The following DNAJB6 variants were observed in gnomAD, a reference collection of about 807,000 sequenced individuals.
DNAJB6 encodes DnaJ heat shock protein family (Hsp40) member B6, also known as dnaJ homolog subfamily B member 6.
A neutral mutation model predicts 42.7 loss-of-function variants in DNAJB6; 16 were observed. The observed-to-expected ratio is 0.37, with a 90% CI of 0.25 to 0.57. The LOEUF is 0.57. Ranked by LOEUF, DNAJB6 falls within the 20% of genes least tolerant of loss-of-function variation. The pLI, the probability that DNAJB6 is intolerant of heterozygous loss-of-function variation, is 0.74. For missense variants in DNAJB6, 347 were observed against 416.8 expected (o/e 0.83, Z 1.46); for synonymous variants, 170 against 163.5 (o/e 1.04, Z -0.30).
intron 5 of DNAJB6, chr7:157,381,443 A>T (rs1800763784): frequency 6.6e-6 from 1 of 152,120 alleles, no homozygotes; most frequent in African/African-American, 2.4e-5. Flanking sequence ...TGCTTTATGA[A>T]TTTTTAGTAA....
chr7:157,402,057 C>G (rs994586180), intron 8 of DNAJB6, among the ~76,000 whole-genome samples: 2 of 152,248 alleles, frequency 1.3e-5, no homozygotes, highest in Non-Finnish European at 2.9e-5. Context: ...TTCGGTTCTT[C>G]AGGCTGCTGT....
chr7:157,353,839 T>A (rs1234351776), intron 1 of DNAJB6, among the ~76,000 whole-genome samples: 2 of 151,920 alleles, frequency 1.3e-5, no homozygotes. Context: ...CTTAAATTTT[T>A]TTTTTGTTGC....
rs773834593 is a variant in DNAJB6, at chr7:157,358,634, A to G, written c.62A>G (p.Lys21Arg). 4 of 1,610,298 alleles carry G rather than the reference A, an allele frequency of 2.5e-6. No homozygotes were observed. The Admixed American group carries it at 6.7e-5, about 27-fold the overall frequency. The change falls in exon 2 of 10, where the codon AAG becomes AGG. Residue 21 changes from lysine (K) to arginine (R), a missense_variant. Physicochemically the swap from Lys to Arg is conservative, Grantham distance 26. This residue lies in a region of DNAJB6 where 78 missense variants were observed against 102.1 expected (regional missense o/e 0.76). Coordinates refer to ENST00000262177, the MANE Select transcript of DNAJB6 (RefSeq NM_058246.4). The stretch of plus-strand genomic sequence containing the variant: ...CATGCCTCACCCGAGGATATTAAAA[A>G]GGCGTAAGTAGTTTTATTTCTGTGG... ...QRHASPEDIKKAYRKLALKWH... is the reference protein window; with the variant it reads ...QRHASPEDIKRAYRKLALKWH...
At chr7:157,376,588 T>C (rs532960691) in intron 5 of DNAJB6, among the ~76,000 whole-genome samples, 1 of 152,270 alleles carries the variant, frequency 6.6e-6, no homozygotes, top group South Asian at 2.1e-4. Flanking sequence ...TTATACATTA[T>C]AGGGAGGCAT....
intron 8 of DNAJB6, among the ~76,000 whole-genome samples, chr7:157,397,175 TGAG>T (rs1239369374): frequency 6.6e-6 from 1 of 152,284 alleles, no homozygotes; most frequent in African/African-American, 2.4e-5. Context: ...AGCTACCCCT[TGAG>T]GAGTAACCCG....
chr7:157,416,258 C>A lies in DNAJB6; in HGVS notation c.*160C>A. On this transcript the variant is annotated 3_prime_UTR_variant, in exon 10 of 10. Transcript: ENST00000262177. Reference sequence around the variant, plus strand: ...GATCACGGATCAGTCAGAGCAGGGTCAGGAGACGGGGCTGACGGCACGGGT... The same window carrying A: ...GATCACGGATCAGTCAGAGCAGGGTAAGGAGACGGGGCTGACGGCACGGGT... 2 of 1,213,178 alleles carry A rather than the reference C, an allele frequency of 1.6e-6. No homozygotes were observed. Among genetic ancestry groups the A allele is most frequent in the Non-Finnish European group, 2.3e-6 (2 of 879,692 alleles). The allele number at this position is 1,213,178 out of a possible 1,614,324, so 75.2% of individuals were successfully genotyped here.
Position 157,366,554 on chromosome 7 carries a change from A to AG in DNAJB6, c.230dup (p.Gly78ArgfsTer7). On this transcript the variant is annotated frameshift_variant, in exon 4 of 10. Coordinates refer to ENST00000262177, the MANE Select transcript of DNAJB6 (RefSeq NM_058246.4). LOFTEE classifies it high-confidence loss of function. Reference sequence around the variant, plus strand: ...ATGGCAAAGAAGGATTAAATGGTGGAGGAGGAGGTAAGTACGTGAGTTTTT... The same window carrying AG: ...ATGGCAAAGAAGGATTAAATGGTGGAGGGAGGAGGTAAGTACGTGAGTTTTT... The AG allele has an allele frequency of 6.2e-7, 1 of 1,613,526 alleles. No homozygotes were observed. Among genetic ancestry groups the AG allele is most frequent in the Non-Finnish European group, 8.5e-7 (1 of 1,179,536 alleles).
chr7:157,359,010 C>T (rs1164446961), intron 2 of DNAJB6, among the ~76,000 whole-genome samples: 5 of 152,186 alleles, frequency 3.3e-5, no homozygotes, highest in South Asian at 2.1e-4. Flanking sequence ...TGTTGGGCTC[C>T]GGCCTATGCC....
At chr7:157,382,695 C>T in intron 6 of DNAJB6, 1 of 178,404 alleles carries the variant, frequency 5.6e-6, no homozygotes, top group Non-Finnish European at 1.2e-5. Flanking sequence ...TGGAAAATCT[C>T]ACTAACCTTC....
At chr7:157,353,003 G>A (rs1799073796) in intron 1 of DNAJB6, among the ~76,000 whole-genome samples, 1 of 152,030 alleles carries the variant, frequency 6.6e-6, no homozygotes, top group African/African-American at 2.4e-5. Flanking sequence ...AATTTTAAAT[G>A]TAGGTTTTAA....
At chr7:157,379,711 C>T (rs944616130) in intron 5 of DNAJB6, 7 of 152,294 alleles carry the variant, frequency 4.6e-5, no homozygotes, top group African/African-American at 1.7e-4. Flanking sequence ...TCTTGAACCC[C>T]TGACCTCCAG....
intron 3 of DNAJB6, among the ~76,000 whole-genome samples, chr7:157,365,967 T>TCC (rs11440921): frequency 9.6e-4 from 144 of 150,726 alleles, no homozygotes; most frequent in African/African-American, 2.5e-3. Flanking sequence ...CGTGGCTAAG[T>TCC]CCCCCCCGCG....
rs926540398 is a variant in DNAJB6 at position 157,356,252 on chromosome 7, G to A, written c.-26-2295G>A. Among the ~76,000 whole-genome samples the A allele has an allele frequency of 2.9e-4, 44 of 152,244 alleles. 1 individual carries two copies. Among genetic ancestry groups the A allele is most frequent in the Admixed American group, 2.4e-3 (36 of 15,290 alleles). ...CACTGCCAAAATGCCACCTCAGATC[G>A]TTGGCAGCAAACTGGAGCTGGAGTG... On this transcript the variant is annotated intron_variant, in intron 1 of 9. Coordinates refer to ENST00000262177, the MANE Select transcript of DNAJB6 (RefSeq NM_058246.4).
intron 8 of DNAJB6, among the ~76,000 whole-genome samples, chr7:157,389,877 C>G (rs1032858741): frequency 6.6e-6 from 1 of 152,176 alleles, no homozygotes; most frequent in Non-Finnish European, 1.5e-5. Flanking sequence ...GTCGGTCTTA[C>G]CTAACTGTTC....
intron 8 of DNAJB6, among the ~76,000 whole-genome samples, chr7:157,390,332 C>T (rs1255021218): frequency 2.6e-5 from 4 of 152,364 alleles, no homozygotes; most frequent in African/African-American, 7.2e-5. Flanking sequence ...GACTAGCAAA[C>T]GTCTGTGTAG....
chr7:157,348,755 C>T (rs1326859249), intron 1 of DNAJB6, among the ~76,000 whole-genome samples: 1 of 152,072 alleles, frequency 6.6e-6, no homozygotes, highest in Non-Finnish European at 1.5e-5. Flanking sequence ...TCTTCAGTTG[C>T]GCCCTGTTCT....
chr7:157,359,979 C>G (rs1370923929), intron 2 of DNAJB6, among the ~76,000 whole-genome samples: 1 of 152,202 alleles, frequency 6.6e-6, no homozygotes, highest in Admixed American at 6.5e-5. Context: ...CTGTGCTGCA[C>G]ACTTGAGGCT....
intron 2 of DNAJB6, among the ~76,000 whole-genome samples, chr7:157,360,038 T>G (rs1028417863): frequency 3.9e-5 from 6 of 152,322 alleles, no homozygotes; most frequent in African/African-American, 1.4e-4. Flanking sequence ...CTTGACAGAT[T>G]ATAAGACGAA....
At chr7:157,353,611 GTGTGTGTGTGTA>G (rs898916460) in intron 1 of DNAJB6, among the ~76,000 whole-genome samples, 12 of 147,928 alleles carry the variant, frequency 8.1e-5, no homozygotes, top group Non-Finnish European at 1.8e-4. Context: ...GTGTGTGTGT[GTGTGTGTGTGTA>G]TGTATTTTTT....
Sources: allele counts gnomAD v4.1 joint callset (sites outside exome capture counted in the v4.1 genomes callset), GRCh38; gene constraint gnomAD v4.1.1; regional missense constraint gnomAD v4.1.1; transcripts MANE v1.5; gene names NCBI Gene and HGNC (gene_info 2026-07-23, HGNC 2026-07-21).